The following BBS9 variants were observed in gnomAD, a reference collection of about 807,000 sequenced individuals.
The protein encoded by BBS9 is protein PTHB1.
BBS9 carries 89 observed loss-of-function variants against 117.7 expected under a neutral mutation model. The ratio of observed to expected loss-of-function variants is 0.76; its 90% confidence interval spans 0.64 to 0.90. BBS9 has a LOEUF of 0.90. Among genes scored for constraint, BBS9 ranks in the 40% least tolerant of loss-of-function variants. The pLI is 0.00. For synonymous variants in BBS9, 379 were observed against 370.9 expected (o/e 1.02, Z -0.25); for missense variants, 982 against 1,042.2 (o/e 0.94, Z 0.80).
At chr7:33,377,836 T>A (rs140967228) in intron 17 of BBS9, among the ~76,000 whole-genome samples, 1,652 of 152,272 alleles carry the variant, frequency 0.011, 20 homozygotes, top group African/African-American at 0.038. Context: ...ATGTACAAAA[T>A]CATTAGGAAT....
intron 21 of BBS9, among the ~76,000 whole-genome samples, chr7:33,596,306 A>ATG (rs112208989): frequency 0.11 from 16,591 of 147,490 alleles, 1,280 homozygotes; most frequent in African/African-American, 0.21. Context: ...ACACTTATAT[A>ATG]TGTGTGTGTG....
chr7:33,234,504 G>T (rs557745454), intron 5 of BBS9, among the ~76,000 whole-genome samples: 69 of 151,874 alleles, frequency 4.5e-4, no homozygotes, highest in African/African-American at 1.6e-3. Flanking sequence ...GAGTATTTAA[G>T]ATTTACCCTC....
intron 4 of BBS9, among the ~76,000 whole-genome samples, chr7:33,157,354 G>A (rs988760006): frequency 6.6e-6 from 1 of 152,190 alleles, no homozygotes; most frequent in Admixed American, 6.5e-5. Context: ...TTTGCTATGG[G>A]AATGGTGATT....
chr7:33,467,034 A>T (rs911564841), intron 19 of BBS9, among the ~76,000 whole-genome samples: 1 of 32,616 alleles, frequency 3.1e-5, no homozygotes, highest in Non-Finnish European at 5.1e-5. Context: ...TCTCTCTCTT[A>T]TGACAACCAA....
intron 12 of BBS9, among the ~76,000 whole-genome samples, chr7:33,347,377 T>C (rs1817786430): frequency 6.6e-6 from 1 of 152,036 alleles, no homozygotes; most frequent in African/African-American, 2.4e-5. Context: ...AGAAAGTTGT[T>C]TGTAGCACTT....
chr7:33,592,370 C>T (rs1211235237), intron 21 of BBS9, among the ~76,000 whole-genome samples: 1 of 152,106 alleles, frequency 6.6e-6, no homozygotes, highest in Non-Finnish European at 1.5e-5. Context: ...CAGACTTTGA[C>T]TTTGCTCAAG....
intron 19 of BBS9, among the ~76,000 whole-genome samples, chr7:33,504,318 G>A (rs1280250396): frequency 6.6e-6 from 1 of 152,158 alleles, no homozygotes; most frequent in Non-Finnish European, 1.5e-5. Flanking sequence ...ACCTTCAGTT[G>A]CTCTGCCTAC....
At chr7:33,266,123 A>G (rs2128329609) in intron 7 of BBS9, among the ~76,000 whole-genome samples, 1 of 152,124 alleles carries the variant, frequency 6.6e-6, no homozygotes, top group Admixed American at 6.5e-5. Context: ...TTTCCTTATC[A>G]TTTGCAGTTT....
intron 5 of BBS9, among the ~76,000 whole-genome samples, chr7:33,233,538 T>G (rs1317188052): frequency 6.6e-6 from 1 of 152,192 alleles, no homozygotes; most frequent in Non-Finnish European, 1.5e-5. Flanking sequence ...ACATTGTATT[T>G]CATACACTAT....
intron 22 of BBS9, 45 bp from the exon 23 acceptor site, chr7:33,605,150 T>G: frequency 3.2e-6 from 5 of 1,570,928 alleles, no homozygotes; most frequent in Non-Finnish European, 4.4e-6. Flanking sequence ...CTGTCACTAT[T>G]CAGATCTTTT....
At chr7:33,418,937 T>C (rs1832442310) in intron 19 of BBS9, among the ~76,000 whole-genome samples, 1 of 152,228 alleles carries the variant, frequency 6.6e-6, no homozygotes, top group African/African-American at 2.4e-5. Context: ...TACCTTTAGC[T>C]TGAAGTAGTT....
intron 21 of BBS9, among the ~76,000 whole-genome samples, chr7:33,564,441 C>A (rs1306036968): frequency 1.3e-5 from 2 of 152,162 alleles, no homozygotes; most frequent in Admixed American, 6.5e-5. Context: ...AGTAACTTAA[C>A]CTTTCTGGGC....
At position 33,442,962 on chromosome 7, in the gene BBS9, C is replaced by T. The variant is rs1206522734; in HGVS notation, c.2115+54818C>T. On this transcript the variant is annotated intron_variant, in intron 19 of 22. Transcript: ENST00000242067. The stretch of plus-strand genomic sequence containing the variant: ...TATTGGAAACATAAAGCATATTTGG[C>T]ATCTTATATGTCATGTATGAAAAGT... 5.3e-5 allele frequency among the ~76,000 whole-genome samples: 8 copies of T among 152,226 alleles called. No individual in the cohort carries two copies. The East Asian group carries it at 1.5e-3, about 29-fold the overall frequency.
chr7:33,174,908 A>G (rs567184390), intron 4 of BBS9, among the ~76,000 whole-genome samples: 3 of 152,232 alleles, frequency 2.0e-5, no homozygotes, highest in Non-Finnish European at 2.9e-5. Context: ...TGGCACCTCA[A>G]TGATTTTACT....
chr7:33,340,926 G>C lies in BBS9; in HGVS notation c.1228G>C (p.Asp410His). ...TTGGCCCATGACTGAGAGAGAAGATGACTTGAACGTTTCTGTCGTGGTTTC... is the reference window on the plus strand; with the variant it reads ...TTGGCCCATGACTGAGAGAGAAGATCACTTGAACGTTTCTGTCGTGGTTTC... ...GVWPMTERED[D>H]LNVSVVVSPN... Residue 410 changes from aspartate (D) to histidine (H), a missense_variant, in exon 11 of 23, where the codon GAC (aspartate) becomes CAC (histidine). Asp to His is a moderately conservative substitution (Grantham distance 81). Coordinates refer to ENST00000242067, the MANE Select transcript of BBS9 (RefSeq NM_198428.3). 6.2e-7 allele frequency: 1 copy of C among 1,613,542 alleles called. No individual in the cohort carries two copies. The highest frequency in any genetic ancestry group is 8.5e-7 in the Non-Finnish European group (1 of 1,179,664).
At chr7:33,259,393 C>T (rs557997081) in intron 6 of BBS9, among the ~76,000 whole-genome samples, 2 of 152,218 alleles carry the variant, frequency 1.3e-5, no homozygotes, top group South Asian at 4.2e-4. Context: ...AGATGCTAGT[C>T]CCCAGTCCCC....
chr7:33,517,426 T>C (rs1847959479), intron 20 of BBS9, among the ~76,000 whole-genome samples: 1 of 152,214 alleles, frequency 6.6e-6, no homozygotes, highest in East Asian at 1.9e-4. Context: ...GCCACCATGC[T>C]CAGCCAATGA....
At chr7:33,542,058 G>C (rs1375002226) in intron 21 of BBS9, among the ~76,000 whole-genome samples, 1 of 151,634 alleles carries the variant, frequency 6.6e-6, no homozygotes, top group Admixed American at 6.6e-5. Context: ...AAGTTATTGG[G>C]GTACAGGTGG....
chr7:33,543,111 C>T (rs1036554066), intron 21 of BBS9, among the ~76,000 whole-genome samples: 19 of 152,080 alleles, frequency 1.2e-4, no homozygotes, highest in Non-Finnish European at 1.8e-4. Flanking sequence ...ACTGCATCCA[C>T]GCCAACATCT....
Sources: allele counts gnomAD v4.1 joint callset (sites outside exome capture counted in the v4.1 genomes callset), GRCh38; gene constraint gnomAD v4.1.1; transcripts MANE v1.5; gene names NCBI Gene and HGNC (gene_info 2026-07-23, HGNC 2026-07-21).